SLC24A2: variants seen among roughly 807,000 people sequenced by gnomAD.
SLC24A2 encodes solute carrier family 24 member 2.
SLC24A2 carries 36 observed loss-of-function variants against 62.0 expected under a neutral mutation model. That is an observed-to-expected ratio of 0.58 (90% CI 0.44 to 0.77). The LOEUF is 0.77. Ranked by LOEUF, SLC24A2 falls within the 30% of genes least tolerant of loss-of-function variation. The pLI is 0.00. For synonymous variants in SLC24A2, 358 were observed against 294.0 expected, an observed-to-expected ratio of 1.22 and a Z score of -2.23; for missense variants, 846 against 817.9, an observed-to-expected ratio of 1.03 and a Z score of -0.42.
chr9:19,687,487 T>C (rs1161885516), intron 2 of SLC24A2, among the ~76,000 whole-genome samples: 1 of 152,056 alleles, frequency 6.6e-6, no homozygotes. Flanking sequence ...ATTTGGGTGG[T>C]CCCACATATC....
the SLC24A2 span, among the ~76,000 whole-genome samples, chr9:20,259,502 A>T: frequency 1.3e-5 from 2 of 152,138 alleles, no homozygotes; most frequent in Non-Finnish European, 2.9e-5. Flanking sequence ...CCCAGCCAAG[A>T]TAGGAGATGA....
the SLC24A2 span, among the ~76,000 whole-genome samples, chr9:20,054,232 C>T: frequency 6.6e-6 from 1 of 151,886 alleles, no homozygotes; most frequent in Non-Finnish European, 1.5e-5. Context: ...CACTCTGTCA[C>T]CCAGGCTGGA....
At chr9:19,806,097 T>A in the SLC24A2 span, among the ~76,000 whole-genome samples, 1 of 152,124 alleles carries the variant, frequency 6.6e-6, no homozygotes, top group Non-Finnish European at 1.5e-5. Context: ...TAACTCTGAC[T>A]AAAAAGAGTT....
intron 7 of SLC24A2, among the ~76,000 whole-genome samples, chr9:19,571,588 T>G (rs1002622285): frequency 6.6e-6 from 1 of 152,180 alleles, no homozygotes; most frequent in African/African-American, 2.4e-5. Context: ...GGGGAGCTCA[T>G]TAGAACTGCA....
chr9:20,282,072 A>C, the SLC24A2 span, among the ~76,000 whole-genome samples: 1 of 152,214 alleles, frequency 6.6e-6, no homozygotes, highest in Admixed American at 6.5e-5. Context: ...TCTAGACAAG[A>C]ATCCTAAAAT....
the SLC24A2 span, among the ~76,000 whole-genome samples, chr9:19,891,082 A>C: frequency 1.3e-5 from 2 of 152,202 alleles, no homozygotes; most frequent in African/African-American, 4.8e-5. Flanking sequence ...CATCCAGTCC[A>C]TCTACAAGTC....
chr9:19,780,741 C>T (rs1822991030), intron 2 of SLC24A2, among the ~76,000 whole-genome samples: 1 of 151,618 alleles, frequency 6.6e-6, no homozygotes, highest in Non-Finnish European at 1.5e-5. Flanking sequence ...GGCGCGGTGG[C>T]AGGCACCTGT....
intron 2 of SLC24A2, among the ~76,000 whole-genome samples, chr9:19,773,308 A>G (rs1387355448): frequency 6.6e-6 from 1 of 152,216 alleles, no homozygotes; most frequent in Non-Finnish European, 1.5e-5. Context: ...ATTCTATGGT[A>G]AATGAATTAC....
chr9:20,010,876 T>C, the SLC24A2 span, among the ~76,000 whole-genome samples: 5 of 151,632 alleles, frequency 3.3e-5, no homozygotes, highest in African/African-American at 9.7e-5. Flanking sequence ...TTTTTGTCCT[T>C]GTGATAGTTT....
At chr9:20,125,780 G>A in the SLC24A2 span, among the ~76,000 whole-genome samples, 7 of 152,122 alleles carry the variant, frequency 4.6e-5, no homozygotes, top group Non-Finnish European at 1.0e-4. Flanking sequence ...CTCTGGCTAG[G>A]GCTGGTTTAA....
chr9:19,971,778 A>G, the SLC24A2 span, among the ~76,000 whole-genome samples: 9 of 152,146 alleles, frequency 5.9e-5, no homozygotes, highest in Admixed American at 3.3e-4. Flanking sequence ...GATGATGATG[A>G]TGACGATGGC....
chr9:19,856,456 T>G, the SLC24A2 span, among the ~76,000 whole-genome samples: 4 of 152,138 alleles, frequency 2.6e-5, no homozygotes, highest in Non-Finnish European at 5.9e-5. Context: ...CTGCTGACCT[T>G]TGGATGGGGT....
chr9:19,827,331 G>C, the SLC24A2 span, among the ~76,000 whole-genome samples: 1 of 152,156 alleles, frequency 6.6e-6, no homozygotes, highest in Non-Finnish European at 1.5e-5. Flanking sequence ...GTAGACGCAA[G>C]ATGACTTGGA....
chr9:19,748,176 G>T (rs559139446), intron 2 of SLC24A2, among the ~76,000 whole-genome samples: 7 of 152,292 alleles, frequency 4.6e-5, no homozygotes, highest in Admixed American at 3.3e-4. Context: ...AAAGCCATTT[G>T]TTCTGGGCAG....
intron 2 of SLC24A2, among the ~76,000 whole-genome samples, chr9:19,725,956 G>A (rs1439074011): frequency 6.6e-6 from 1 of 152,126 alleles, no homozygotes; most frequent in African/African-American, 2.4e-5. Flanking sequence ...ATATCCAGAC[G>A]TATAGAGCAT....
the SLC24A2 span, among the ~76,000 whole-genome samples, chr9:20,072,886 A>C: frequency 6.6e-6 from 1 of 152,098 alleles, no homozygotes; most frequent in African/African-American, 2.4e-5. Flanking sequence ...CTGATTTTGG[A>C]CTTCAGACCT....
chr9:19,851,333 A>G, the SLC24A2 span, among the ~76,000 whole-genome samples: 383 of 151,836 alleles, frequency 2.5e-3, 1 homozygote, highest in Non-Finnish European at 3.3e-3. Flanking sequence ...CCCAGCATAT[A>G]TATGTATTTT....
chr9:20,280,140 G>C, the SLC24A2 span, among the ~76,000 whole-genome samples: 5 of 152,208 alleles, frequency 3.3e-5, no homozygotes, highest in Non-Finnish European at 5.9e-5. Flanking sequence ...TAGTTTATTA[G>C]GGGAGTGGGC....
chr9:19,892,966 G>A, the SLC24A2 span, among the ~76,000 whole-genome samples: 1 of 152,156 alleles, frequency 6.6e-6, no homozygotes, highest in African/African-American at 2.4e-5. Context: ...GGCAAAACAA[G>A]GGGGAGGTTT....
Sources: allele counts gnomAD v4.1 joint callset (sites outside exome capture counted in the v4.1 genomes callset), GRCh38; gene constraint gnomAD v4.1.1; transcripts MANE v1.5; gene names NCBI Gene and HGNC (gene_info 2026-07-23, HGNC 2026-07-21).